The following GALNT18 variants were observed in gnomAD, a reference collection of about 807,000 sequenced individuals.
The protein encoded by GALNT18 is polypeptide N-acetylgalactosaminyltransferase 18, also known as GalNAc-transferase 18.
GALNT18 carries 44 observed loss-of-function variants against 69.5 expected under a neutral mutation model. That is an observed-to-expected ratio of 0.63 (90% CI 0.50 to 0.81). The LOEUF is 0.81. GALNT18 is among the 40% of genes least tolerant of loss of function. The pLI is 0.00. For missense variants in GALNT18, 715 were observed against 810.0 expected, an observed-to-expected ratio of 0.88 and a Z score of 1.42; for synonymous variants, 364 against 318.2, an observed-to-expected ratio of 1.14 and a Z score of -1.53.
At chr11:11,476,907 T>G (rs930552441) in intron 1 of GALNT18, among the ~76,000 whole-genome samples, 1 of 152,158 alleles carries the variant, frequency 6.6e-6, no homozygotes, top group African/African-American at 2.4e-5. Context: ...AATTAATTAG[T>G]GATTCACTTA....
At chr11:11,460,626 C>T (rs1856018756) in intron 1 of GALNT18, among the ~76,000 whole-genome samples, 1 of 152,164 alleles carries the variant, frequency 6.6e-6, no homozygotes, top group Non-Finnish European at 1.5e-5. Context: ...AAAGGAGAGC[C>T]CTAGCTGGTG....
chr11:11,303,450 C>T (rs1168600210), intron 9 of GALNT18, among the ~76,000 whole-genome samples: 1 of 152,108 alleles, frequency 6.6e-6, no homozygotes, highest in Non-Finnish European at 1.5e-5. Flanking sequence ...TGTCACAAAC[C>T]CTTGTCTCAG....
intron 3 of GALNT18, among the ~76,000 whole-genome samples, chr11:11,429,475 C>A (rs1404643366): frequency 6.6e-6 from 1 of 152,204 alleles, no homozygotes; most frequent in Non-Finnish European, 1.5e-5. Context: ...CTCTGGGGCT[C>A]CCGCCGTGCA....
intron 1 of GALNT18, among the ~76,000 whole-genome samples, chr11:11,530,243 T>G (rs1167472921): frequency 2.6e-5 from 4 of 152,200 alleles, no homozygotes; most frequent in African/African-American, 9.6e-5. Context: ...TCCTGCCATC[T>G]TTAGCATGCA....
intron 1 of GALNT18, among the ~76,000 whole-genome samples, chr11:11,462,582 C>T (rs72863057): frequency 2.6e-5 from 4 of 152,110 alleles, no homozygotes; most frequent in Admixed American, 1.3e-4. Flanking sequence ...CATAAGCCAC[C>T]GCACCCGGCC....
intron 1 of GALNT18, among the ~76,000 whole-genome samples, chr11:11,556,437 C>T (rs1369440567): frequency 6.6e-6 from 1 of 152,154 alleles, no homozygotes; most frequent in African/African-American, 2.4e-5. Context: ...TTTCCAGGGG[C>T]AATTATGCAA....
At chr11:11,305,980 C>A (rs1351607266) in intron 9 of GALNT18, among the ~76,000 whole-genome samples, 1 of 152,192 alleles carries the variant, frequency 6.6e-6, no homozygotes, top group Admixed American at 6.5e-5. Context: ...CTCTAAGCTG[C>A]TCTCTGGCCA....
chr11:11,411,294 A>AT (rs1349041227), intron 3 of GALNT18, among the ~76,000 whole-genome samples: 1 of 151,990 alleles, frequency 6.6e-6, no homozygotes, highest in Non-Finnish European at 1.5e-5. Flanking sequence ...CCTGGACAAC[A>AT]TTTTTTTCCC....
intron 5 of GALNT18, among the ~76,000 whole-genome samples, chr11:11,376,518 C>A (rs1564917613): frequency 6.6e-6 from 1 of 152,212 alleles, no homozygotes; most frequent in Admixed American, 6.5e-5. Flanking sequence ...CAGGAAAGAA[C>A]TTGGGACCTT....
chr11:11,279,717 G>C (rs182396479), intron 10 of GALNT18, among the ~76,000 whole-genome samples: 1 of 152,332 alleles, frequency 6.6e-6, no homozygotes, highest in East Asian at 1.9e-4. Context: ...TGAAAGTCAG[G>C]ATGGTGGTCA....
At chr11:11,352,181 A>C in intron 6 of GALNT18, 2 of 1,613,714 alleles carry the variant, frequency 1.2e-6, no homozygotes, top group Non-Finnish European at 8.5e-7. Context: ...CTCTTGCAGT[A>C]AGCCGTGACT....
chr11:11,312,098 A>G (rs1590029290), intron 9 of GALNT18, among the ~76,000 whole-genome samples: 2 of 152,192 alleles, frequency 1.3e-5, no homozygotes, highest in East Asian at 3.9e-4. Flanking sequence ...CTGGGACTAC[A>G]GGTGCCTGCC....
intron 1 of GALNT18, among the ~76,000 whole-genome samples, chr11:11,589,099 A>C (rs1287265697): frequency 1.3e-5 from 2 of 152,166 alleles, no homozygotes; most frequent in Non-Finnish European, 2.9e-5. Context: ...CAGACAAAAG[A>C]GATAATGTGT....
At chr11:11,290,682 T>C (rs1260782214) in intron 10 of GALNT18, among the ~76,000 whole-genome samples, 1 of 152,192 alleles carries the variant, frequency 6.6e-6, no homozygotes, top group Non-Finnish European at 1.5e-5. Flanking sequence ...ATTAAGTACA[T>C]TGTCTCCTGA....
chr11:11,325,103 C>A (rs1024592408), intron 9 of GALNT18, among the ~76,000 whole-genome samples: 1 of 152,186 alleles, frequency 6.6e-6, no homozygotes, highest in Non-Finnish European at 1.5e-5. Context: ...AGGGAACCAA[C>A]CTGAGTGCCC....
At position 11,297,075 on chromosome 11, in the gene GALNT18, C is replaced by A. The variant is rs568959984; in HGVS notation, c.1513-3882G>T. Among the ~76,000 whole-genome samples the A allele has an allele frequency of 2.6e-5, 4 of 152,184 alleles. 1 individual carries two copies. The South Asian group carries it at 8.3e-4, about 32-fold the overall frequency. ...AGGAATGTTATAAACCAGGGGCTATCTGGAATGCCTGGAGACATTTTTGGT... is the reference window on the plus strand; with the variant it reads ...AGGAATGTTATAAACCAGGGGCTATATGGAATGCCTGGAGACATTTTTGGT... On this transcript the variant is annotated intron_variant, in intron 9 of 10. Coordinates refer to ENST00000227756, the MANE Select transcript of GALNT18 (RefSeq NM_198516.3).
rs994389287 is a variant in GALNT18 at position 11,602,503 on chromosome 11, G to C, written c.235+18856C>G. On this transcript the variant is annotated intron_variant, in intron 1 of 10. Coordinates refer to ENST00000227756, the MANE Select transcript of GALNT18 (RefSeq NM_198516.3). This position sits in a 1 kb window ranked among gnomAD's most constrained non-coding sequence, Gnocchi z 4.7. ...CATATCTGTCCAGAGGAGAGCTTCT[G>C]TTTTATTGAGCTGGAATTGGGGGAG... 6.6e-6 allele frequency among the ~76,000 whole-genome samples: 1 copy of C among 152,154 alleles called. No homozygotes were observed. The highest frequency in any genetic ancestry group is 1.5e-5 in the Non-Finnish European group (1 of 68,018).
At chr11:11,574,976 GTTTC>G (rs1466435224) in intron 1 of GALNT18, among the ~76,000 whole-genome samples, 2 of 152,174 alleles carry the variant, frequency 1.3e-5, no homozygotes, top group African/African-American at 4.8e-5. Context: ...CTTGGACCAG[GTTTC>G]TTTAAGTATT....
At chr11:11,388,506 A>G (rs1854105399) in intron 3 of GALNT18, among the ~76,000 whole-genome samples, 1 of 152,188 alleles carries the variant, frequency 6.6e-6, no homozygotes, top group South Asian at 2.1e-4. Context: ...ACAAAATAAA[A>G]CAAACAAAAA....
Sources: allele counts gnomAD v4.1 joint callset (sites outside exome capture counted in the v4.1 genomes callset), GRCh38; gene constraint gnomAD v4.1.1; non-coding constraint Gnocchi (gnomAD v3.1); transcripts MANE v1.5; gene names NCBI Gene and HGNC (gene_info 2026-07-23, HGNC 2026-07-21).